The following TMEM65 variants were observed in gnomAD, a reference collection of about 807,000 sequenced individuals.
The protein encoded by TMEM65 is transmembrane protein 65.
A neutral mutation model predicts 25.4 loss-of-function variants in TMEM65; 22 were observed. The ratio of observed to expected loss-of-function variants is 0.86; its 90% CI spans 0.62 to 1.23. The LOEUF is 1.23. Among genes scored for constraint, TMEM65 ranks in the 50% most tolerant of loss-of-function variants. The pLI is 0.00. For missense variants in TMEM65, 262 were observed against 308.2 expected, an observed-to-expected ratio of 0.85 and a Z score of 1.12; for synonymous variants, 132 against 126.2, an observed-to-expected ratio of 1.05 and a Z score of -0.31.
intron 5 of TMEM65, among the ~76,000 whole-genome samples, chr8:124,321,541 A>G (rs752611652): frequency 6.6e-6 from 1 of 152,150 alleles, no homozygotes; most frequent in Non-Finnish European, 1.5e-5. Flanking sequence ...TTCCTGCCAC[A>G]TAAAGTAAAG....
At chr8:124,340,983 T>C (rs1174520700) in intron 1 of TMEM65, among the ~76,000 whole-genome samples, 1 of 152,112 alleles carries the variant, frequency 6.6e-6, no homozygotes, top group Non-Finnish European at 1.5e-5. Flanking sequence ...TTCATAGATT[T>C]GCAAATCTTC....
At chr8:124,358,859 G>A (rs1301368506) in intron 1 of TMEM65, among the ~76,000 whole-genome samples, 4 of 152,312 alleles carry the variant, frequency 2.6e-5, no homozygotes, top group South Asian at 2.1e-4. Context: ...CTGCTCTCTC[G>A]CAGCAAATGG....
Position 124,312,684 on chromosome 8 carries a change from G to A in TMEM65, c.*1276C>T, listed in dbSNP as rs961684399. 1 of 151,704 alleles carries A rather than the reference G, an allele frequency of 6.6e-6. No homozygotes were observed. The highest frequency in any genetic ancestry group is 1.5e-5 in the Non-Finnish European group (1 of 67,800). The allele number at this position is 151,704 out of a possible 1,614,324, so 9.4% of individuals were successfully genotyped here. A position where few individuals can be genotyped will look rare whatever the true frequency, so the allele number is the denominator to read the frequency against. ...AAACTAAAATTTATAATTCTTACATGGTTATACTTAAGCCAGAAGTACAAG... is the reference window on the plus strand; with the variant it reads ...AAACTAAAATTTATAATTCTTACATAGTTATACTTAAGCCAGAAGTACAAG... On this transcript the variant is annotated 3_prime_UTR_variant, in exon 7 of 7. Coordinates refer to ENST00000297632, the MANE Select transcript of TMEM65 (RefSeq NM_194291.3).
intron 3 of TMEM65, among the ~76,000 whole-genome samples, chr8:124,326,086 G>C (rs537832553): frequency 6.6e-6 from 1 of 152,070 alleles, no homozygotes; most frequent in African/African-American, 2.4e-5. Context: ...GTTTTTAAAA[G>C]TTAGAGTCAG....
At chr8:124,351,473 T>C (rs1321385207) in intron 1 of TMEM65, among the ~76,000 whole-genome samples, 3 of 152,192 alleles carry the variant, frequency 2.0e-5, no homozygotes, top group African/African-American at 7.2e-5. Flanking sequence ...AAGTGTGTTG[T>C]TTCTTTGGAA....
At chr8:124,350,137 TGTGTG>T (rs1814688906) in intron 1 of TMEM65, among the ~76,000 whole-genome samples, 1 of 151,782 alleles carries the variant, frequency 6.6e-6, no homozygotes, top group Admixed American at 6.6e-5. Context: ...TGTGTGTGTG[TGTGTG>T]TGTGTGTGTG....
chr8:124,360,748 G>T (rs1814848552), intron 1 of TMEM65, among the ~76,000 whole-genome samples: 2 of 152,100 alleles, frequency 1.3e-5, no homozygotes, highest in African/African-American at 2.4e-5. Context: ...ATTTAGGGTT[G>T]CCCAGCTAAC....
chr8:124,367,829 C>A (rs1182554068), intron 1 of TMEM65, among the ~76,000 whole-genome samples: 1 of 151,820 alleles, frequency 6.6e-6, no homozygotes, highest in Non-Finnish European at 1.5e-5. Flanking sequence ...GTCAAAAGCA[C>A]ACAATTACCA....
rs1227005853 is a variant in TMEM65, at chr8:124,309,226, TAGG to T, written c.*4731_*4733del. 6.6e-6 allele frequency: 1 copy of T among 152,236 alleles called. No individual in the cohort carries two copies. Among genetic ancestry groups the T allele is most frequent in the African/African-American group, 2.4e-5 (1 of 41,458 alleles). 9.4% of individuals were successfully genotyped at this position (152,236 alleles called of 1,614,324 possible). ...ATTTATCAGAAAGGCTTCCAGCCAATAGGAGGCTATAAGTAAAGTTTGGAGAGA... is the reference window on the plus strand; with the variant it reads ...ATTTATCAGAAAGGCTTCCAGCCAATAGGCTATAAGTAAAGTTTGGAGAGA... On this transcript the variant is annotated 3_prime_UTR_variant, in exon 7 of 7. Transcript: ENST00000297632.
In TMEM65 at chr8:124,361,606, G is replaced by A. The variant is rs1002614283; in HGVS notation, c.304+10248C>T. ...CCCAGCACTTTGGGAGCAGAGGCGG[G>A]TGAATCACTTGAGGTCAGGAGTTCG... On this transcript the variant is annotated intron_variant, in intron 1 of 6. Transcript: ENST00000297632. Among the ~76,000 whole-genome samples the A allele has an allele frequency of 1.1e-3, 169 of 152,056 alleles. 2 individuals are homozygous for A. The highest frequency in any genetic ancestry group is 4.3e-4 in the Non-Finnish European group (29 of 67,968).
At position 124,308,382 on chromosome 8, in the gene TMEM65, C is replaced by G. The variant is rs562178394; in HGVS notation, c.*5578G>C. 2 of 152,308 alleles carry G rather than the reference C, an allele frequency of 1.3e-5. No homozygotes were observed. Among genetic ancestry groups the G allele is most frequent in the East Asian group, 3.9e-4 (2 of 5,180 alleles). The allele number at this position is 152,308 out of a possible 1,614,324, so 9.4% of individuals were successfully genotyped here. ...GAACCATCAGTGCCATGCAAGAGAA[C>G]TCTAACAAAGAGAACATCATCAAAG... On this transcript the variant is annotated 3_prime_UTR_variant, in exon 7 of 7. Coordinates refer to ENST00000297632, the MANE Select transcript of TMEM65 (RefSeq NM_194291.3).
At chr8:124,327,671 A>AACACACACAC (rs71289656) in intron 2 of TMEM65, among the ~76,000 whole-genome samples, 1 of 148,612 alleles carries the variant, frequency 6.7e-6, no homozygotes, top group Admixed American at 6.7e-5. Context: ...TCTTACTGGT[A>AACACACACAC]ACACACACAC....
chr8:124,364,140 G>A (rs1405356398), intron 1 of TMEM65, among the ~76,000 whole-genome samples: 1 of 152,136 alleles, frequency 6.6e-6, no homozygotes, highest in East Asian at 1.9e-4. Flanking sequence ...TCCTTGAAAT[G>A]TCTATCAAGA....
chr8:124,337,954 A>G (rs1204018631), intron 1 of TMEM65, among the ~76,000 whole-genome samples: 1 of 152,020 alleles, frequency 6.6e-6, no homozygotes, highest in African/African-American at 2.4e-5. Flanking sequence ...AAATTAGAAA[A>G]TAACATCTAA....
Position 124,343,953 on chromosome 8 carries a change from T to C in TMEM65, c.305-13161A>G, listed in dbSNP as rs115775358. ...AAACCAGAGGAAGACGATTTGACAG[T>C]TTATAGGCAAATGTGTAACCCTAAT... On this transcript the variant is annotated intron_variant, in intron 1 of 6. Transcript: ENST00000297632. Among the ~76,000 whole-genome samples the C allele has an allele frequency of 6.1e-3, 930 of 152,312 alleles. 9 individuals carry two copies. The highest frequency in any genetic ancestry group is 0.021 in the African/African-American group (893 of 41,576).
chr8:124,325,892 T>C (rs1049759658), intron 3 of TMEM65, among the ~76,000 whole-genome samples: 19 of 152,188 alleles, frequency 1.2e-4, no homozygotes, highest in African/African-American at 4.3e-4. Flanking sequence ...ACAATGTAAA[T>C]TACTTTTAAA....
intron 1 of TMEM65, among the ~76,000 whole-genome samples, chr8:124,357,170 T>G (rs1253131053): frequency 6.6e-6 from 1 of 152,076 alleles, no homozygotes; most frequent in African/African-American, 2.4e-5. Context: ...CATTTTCTCC[T>G]GGGATCTTCT....
At chr8:124,350,957 C>T (rs1222020916) in intron 1 of TMEM65, 2 of 984,368 alleles carry the variant, frequency 2.0e-6, no homozygotes, top group East Asian at 1.1e-4. Flanking sequence ...AAAAATTAGG[C>T]AGTCTATTTC....
At chr8:124,366,943 G>T (rs1814946747) in intron 1 of TMEM65, among the ~76,000 whole-genome samples, 1 of 152,154 alleles carries the variant, frequency 6.6e-6, no homozygotes, top group African/African-American at 2.4e-5. Flanking sequence ...GCTCATCAGA[G>T]ATCTCTCACT....
Sources: gnomAD v4.1 joint callset for allele counts (sites outside exome capture counted in the v4.1 genomes callset) on GRCh38, gnomAD v4.1.1 for gene constraint, MANE v1.5 for transcripts, NCBI Gene and HGNC (gene_info 2026-07-23, HGNC 2026-07-21) for gene names.